Variants in TAFA2 observed in about 807,000 individuals in gnomAD.
TAFA2 encodes the protein chemokine-like protein TAFA-2.
Under a neutral mutation model 18.8 loss-of-function variants are expected in TAFA2, and 7 were observed. That is an observed-to-expected ratio of 0.37 (90% CI 0.21 to 0.70). The LOEUF is 0.70. Among genes scored for constraint, TAFA2 ranks in the 30% least tolerant of loss-of-function variants. The probability of loss-of-function intolerance (pLI) is 0.53; values close to 1 mark genes in which losing one functional copy is unlikely to be tolerated. For missense variants in TAFA2, 122 were observed against 158.1 expected (o/e 0.77, Z 1.23); for synonymous variants, 60 against 54.2 (o/e 1.11, Z -0.47).
intron 2 of TAFA2, among the ~76,000 whole-genome samples, chr12:61,763,265 A>G (rs914978359): frequency 2.0e-5 from 3 of 152,018 alleles, no homozygotes; most frequent in African/African-American, 4.8e-5. Flanking sequence ...AAAAAAGAAA[A>G]TGAAATTTTG....
chr12:61,819,236 A>G (rs757285233), intron 2 of TAFA2, among the ~76,000 whole-genome samples: 1 of 152,172 alleles, frequency 6.6e-6, no homozygotes, highest in Non-Finnish European at 1.5e-5. Flanking sequence ...TTGATAGTTA[A>G]ATGTTTTCAA....
chr12:62,215,182 A>G (rs1326558936), intron 1 of TAFA2, among the ~76,000 whole-genome samples: 1 of 152,224 alleles, frequency 6.6e-6, no homozygotes, highest in African/African-American at 2.4e-5. Context: ...GGAATTGAAG[A>G]ACAAAAGTCA....
intron 1 of TAFA2, among the ~76,000 whole-genome samples, chr12:61,948,042 T>C (rs1182913552): frequency 2.6e-5 from 4 of 152,194 alleles, no homozygotes; most frequent in African/African-American, 9.6e-5. Context: ...TAAATAATAC[T>C]AAGAATGACC....
intron 1 of TAFA2, among the ~76,000 whole-genome samples, chr12:61,897,709 A>G (rs1875913078): frequency 6.6e-6 from 1 of 152,182 alleles, no homozygotes; most frequent in South Asian, 2.1e-4. Flanking sequence ...TGGGGATTAC[A>G]ATTTGAGATG....
chr12:62,014,811 A>G (rs1309842611), intron 1 of TAFA2, among the ~76,000 whole-genome samples: 1 of 152,150 alleles, frequency 6.6e-6, no homozygotes, highest in Non-Finnish European at 1.5e-5. Context: ...AATTCTTATG[A>G]CCAACCAGAT....
intron 1 of TAFA2, chr12:62,235,514 A>G (rs1259054434): frequency 3.8e-6 from 2 of 532,654 alleles, no homozygotes; most frequent in Non-Finnish European, 6.9e-6. Context: ...TCGGCTGTAC[A>G]TGAAGACTAG....
At chr12:62,220,826 G>T (rs1422070631) in intron 1 of TAFA2, among the ~76,000 whole-genome samples, 2 of 151,950 alleles carry the variant, frequency 1.3e-5, no homozygotes, top group African/African-American at 4.8e-5. Context: ...AAGGGAAGGG[G>T]GCCGGGCGCG....
intron 4 of TAFA2, among the ~76,000 whole-genome samples, chr12:61,740,586 T>C (rs1358832666): frequency 6.6e-6 from 1 of 152,050 alleles, no homozygotes; most frequent in Admixed American, 6.6e-5. Context: ...AGGTACAATG[T>C]ACATTATTCA....
rs1435391089 is a variant in TAFA2, at chr12:62,229,194, C to T, written c.-130+29569G>A. Among the ~76,000 whole-genome samples, 2 of 151,930 alleles carry T rather than the reference C, an allele frequency of 1.3e-5. 1 individual carries two copies. The stretch of plus-strand genomic sequence containing the variant: ...GACTTCTTCCTTTCCTGTTTGGATG[C>T]CTTCAATTTATTTTTCTTGCCTAAT... On this transcript the variant is annotated intron_variant, in intron 1 of 5. Transcript: ENST00000551619.
intron 1 of TAFA2, among the ~76,000 whole-genome samples, chr12:61,908,743 C>T (rs974956720): frequency 6.6e-6 from 1 of 152,122 alleles, no homozygotes; most frequent in East Asian, 1.9e-4. Flanking sequence ...TGAACCTATT[C>T]GGAGTAAATT....
intron 1 of TAFA2, among the ~76,000 whole-genome samples, chr12:61,897,974 A>T (rs895354722): frequency 1.3e-5 from 2 of 152,236 alleles, no homozygotes; most frequent in Non-Finnish European, 2.9e-5. Flanking sequence ...CAGGCATTGG[A>T]TAAATGCTCT....
Position 61,885,482 on chromosome 12 carries a change from C to A in TAFA2, c.-1-18056G>T, listed in dbSNP as rs112652965. Among the ~76,000 whole-genome samples, 719 of 152,214 alleles carry A rather than the reference C, an allele frequency of 4.7e-3. 5 individuals carry two copies. Among genetic ancestry groups the A allele is most frequent in the African/African-American group, 0.016 (682 of 41,534 alleles). ...AACCCTTGACACCATCTGCTGACAC[C>A]ACACTGTACAAACATCAAATGTAGA... On this transcript the variant is annotated intron_variant, in intron 1 of 4. Coordinates refer to ENST00000416284, the MANE Select transcript of TAFA2 (RefSeq NM_178539.5).
At chr12:62,230,130 G>A (rs929216324) in intron 1 of TAFA2, among the ~76,000 whole-genome samples, 1 of 151,522 alleles carries the variant, frequency 6.6e-6, no homozygotes, top group Non-Finnish European at 1.5e-5. Context: ...TCTTAGTCTA[G>A]CTAAGGTTAT....
chr12:61,783,994 T>C (rs919456272), intron 2 of TAFA2, among the ~76,000 whole-genome samples: 1 of 151,488 alleles, frequency 6.6e-6, no homozygotes, highest in Non-Finnish European at 1.5e-5. Flanking sequence ...GAAGATTAAA[T>C]AGAAATAGGA....
intron 4 of TAFA2, among the ~76,000 whole-genome samples, chr12:61,716,284 T>C (rs1178396984): frequency 2.0e-5 from 3 of 152,200 alleles, no homozygotes; most frequent in Non-Finnish European, 4.4e-5. Context: ...TCTTTGTCTT[T>C]CTAATAAACC....
At chr12:61,861,213 A>G (rs1874111908) in intron 2 of TAFA2, among the ~76,000 whole-genome samples, 1 of 148,550 alleles carries the variant, frequency 6.7e-6, no homozygotes, top group Non-Finnish European at 1.5e-5. Flanking sequence ...CCGCCTCCCT[A>G]AGTGCTGGGA....
chr12:61,932,689 C>G (rs1330253960), intron 1 of TAFA2, among the ~76,000 whole-genome samples: 1 of 152,128 alleles, frequency 6.6e-6, no homozygotes, highest in Non-Finnish European at 1.5e-5. Flanking sequence ...ATCTGTCCTC[C>G]TCGACCTCCC....
chr12:61,848,534 A>G (rs1287964779), intron 2 of TAFA2, among the ~76,000 whole-genome samples: 1 of 152,156 alleles, frequency 6.6e-6, no homozygotes, highest in Non-Finnish European at 1.5e-5. Flanking sequence ...TACATAAGAT[A>G]TTTTGTTTTT....
chr12:62,092,352 CT>C (rs570391261), intron 1 of TAFA2, among the ~76,000 whole-genome samples: 36 of 152,102 alleles, frequency 2.4e-4, no homozygotes, highest in African/African-American at 8.4e-4. Flanking sequence ...ACCAAACCTC[CT>C]TGAAGGAGTT....
Sources: allele counts gnomAD v4.1 joint callset (sites outside exome capture counted in the v4.1 genomes callset), GRCh38; gene constraint gnomAD v4.1.1; transcripts MANE v1.5; gene names NCBI Gene and HGNC (gene_info 2026-07-23, HGNC 2026-07-21).